The following XKR3 variants were observed in gnomAD, a reference collection of about 807,000 sequenced individuals.
The protein encoded by XKR3 is XK related 3.
In XKR3, 27 loss-of-function variants were observed where a neutral mutation model predicts 40.3. The observed-to-expected ratio is 0.67, with a 90% CI of 0.49 to 0.92. The LOEUF is 0.92. XKR3 is among the 40% of genes least tolerant of loss of function. The probability of loss-of-function intolerance (pLI) is 0.00; values close to 1 mark genes in which losing one functional copy is unlikely to be tolerated. For missense variants in XKR3, 472 were observed against 537.6 expected (o/e 0.88, Z 1.21); for synonymous variants, 193 against 195.4 (o/e 0.99, Z 0.10).
At chr22:16,818,997 C>G (rs529409657) in intron 1 of XKR3, among the ~76,000 whole-genome samples, 1 of 152,142 alleles carries the variant, frequency 6.6e-6, no homozygotes, top group East Asian at 1.9e-4. Context: ...TTTCCCTATG[C>G]TACAGGTCAG....
intron 1 of XKR3, among the ~76,000 whole-genome samples, chr22:16,823,522 G>A (rs1387563662): frequency 6.6e-6 from 1 of 152,128 alleles, no homozygotes; most frequent in Admixed American, 6.6e-5. Context: ...CAGAATTTTT[G>A]GGAAAAACAT....
chr22:16,820,500 T>A (rs148185317), intron 1 of XKR3, among the ~76,000 whole-genome samples: 10 of 152,138 alleles, frequency 6.6e-5, no homozygotes, highest in Non-Finnish European at 2.9e-5. Context: ...ATATTTAACA[T>A]GGACCTGGGT....
At position 16,783,807 on chromosome 22, in the gene XKR3, G is replaced by A; in HGVS notation, c.1192C>T (p.Gln398Ter). 1 of 1,614,180 alleles carries A rather than the reference G, an allele frequency of 6.2e-7. No individual in the cohort carries two copies. Among genetic ancestry groups the A allele is most frequent in the Non-Finnish European group, 8.5e-7 (1 of 1,180,040 alleles). Residue 398 changes from glutamine (Q) to a stop codon, truncating the protein, a stop_gained, in exon 4 of 4, where the codon CAG (glutamine) becomes TAG (stop). Transcript: ENST00000684488. LOFTEE classifies it high-confidence loss of function. The part of the protein sequence containing the change: ...LATGFMLLFY[Q>*]YLYPWQSGKV... ...CCTGACTGCCATGGGTACAAATACT[G>A]ATAGAAGAGGAGCATAAAGCCAGTG...
Position 16,799,954 on chromosome 22 carries a change from C to T in XKR3, c.406G>A (p.Val136Ile). 6.2e-7 allele frequency: 1 copy of T among 1,614,132 alleles called. No homozygotes were observed. Among genetic ancestry groups the T allele is most frequent in the Non-Finnish European group, 8.5e-7 (1 of 1,180,006 alleles). ...NLKQEKEETQ[V>I]SITKRNTMLE... ...ATCGTGTTTCTCTTTGTGATGCTAA[C>T]TTGAGTCTCTTCCTTCTCCTGTTTA... is the stretch of plus-strand genomic sequence containing the variant. The change falls in exon 3 of 4, where the codon GTT becomes ATT. Residue 136 changes from valine to isoleucine, a missense_variant. Coordinates refer to ENST00000684488, the MANE Select transcript of XKR3 (RefSeq NM_001386955.1).
At chr22:16,806,949 T>C (rs1046207376) in intron 2 of XKR3, among the ~76,000 whole-genome samples, 1 of 152,154 alleles carries the variant, frequency 6.6e-6, no homozygotes, top group African/African-American at 2.4e-5. Flanking sequence ...TCCATAAATA[T>C]GAAGAATTGT....
At chr22:16,788,865 T>C (rs1208287241) in intron 3 of XKR3, among the ~76,000 whole-genome samples, 1 of 151,988 alleles carries the variant, frequency 6.6e-6, no homozygotes, top group Non-Finnish European at 1.5e-5. Flanking sequence ...GTGTCATACA[T>C]TACATCAACA....
In XKR3 at chr22:16,807,885, G is replaced by A. The variant is rs2060196654; in HGVS notation, c.189C>T (p.Asp63=). ...YMFEIYRKAN[D]TFWMSFTISF... is the part of the protein sequence containing the mutation. ...TGATGGTAAATGACATCCAGAATGT[G>A]TCATTAGCTTTTCGATAAATTTCAA... is the stretch of plus-strand genomic sequence containing the variant. The change falls in exon 2 of 4, where the codon GAC becomes GAT. Residue 63 remains aspartate (D), a synonymous_variant. Coordinates refer to ENST00000684488, the MANE Select transcript of XKR3 (RefSeq NM_001386955.1). 17 of 1,614,006 alleles carry A rather than the reference G, an allele frequency of 1.1e-5. No individual in the cohort carries two copies. The highest frequency in any genetic ancestry group is 1.3e-5 in the Non-Finnish European group (15 of 1,179,930).
rs1363920936 is a variant in XKR3 at position 16,783,792 on chromosome 22, A to G, written c.1207T>C (p.Trp403Arg). ...MLLFYQYLYP[W>R]QSGKVLPGRT... is the part of the protein sequence containing the mutation. ...CCTGGCAACACTTTGCCTGACTGCCATGGGTACAAATACTGATAGAAGAGG... is the reference window on the plus strand; with the variant it reads ...CCTGGCAACACTTTGCCTGACTGCCGTGGGTACAAATACTGATAGAAGAGG... Residue 403 changes from tryptophan to arginine, a missense_variant, in exon 4 of 4, where the codon TGG becomes CGG. By Grantham distance (101) the Trp-to-Arg change is moderately radical (BLOSUM62 -3). Transcript: ENST00000684488. The G allele has an allele frequency of 5.6e-6, 9 of 1,614,108 alleles. No homozygotes were observed. Among genetic ancestry groups the G allele is most frequent in the Admixed American group, 3.3e-5 (2 of 60,030 alleles).
In XKR3 at chr22:16,784,367, G is replaced by GC; in HGVS notation, c.631dup (p.Ala211GlyfsTer14). On this transcript the variant is annotated frameshift_variant, in exon 4 of 4. Coordinates refer to ENST00000684488, the MANE Select transcript of XKR3 (RefSeq NM_001386955.1). LOFTEE classifies it high-confidence loss of function. The stretch of plus-strand genomic sequence containing the variant: ...GATGGCCAGTATATTGCAGCGAATG[G>GC]CCCCATAAGTAACTGATAACAGGGA... The GC allele has an allele frequency of 6.2e-7, 1 of 1,609,082 alleles. No homozygotes were observed. Among genetic ancestry groups the GC allele is most frequent in the South Asian group, 1.1e-5 (1 of 89,772 alleles).
At chr22:16,806,468 G>GAT (rs2060189976) in intron 2 of XKR3, among the ~76,000 whole-genome samples, 1 of 97,370 alleles carries the variant, frequency 1.0e-5, no homozygotes, top group Non-Finnish European at 2.0e-5. Flanking sequence ...ATATAGTTAA[G>GAT]GTTTTTTTTT....
intron 1 of XKR3, among the ~76,000 whole-genome samples, chr22:16,812,634 C>A (rs2060217352): frequency 1.3e-5 from 2 of 152,106 alleles, no homozygotes; most frequent in South Asian, 2.1e-4. Context: ...GAGATTGCAC[C>A]ACTGCACTCC....
intron 3 of XKR3, among the ~76,000 whole-genome samples, chr22:16,798,980 C>T (rs1457116005): frequency 6.6e-6 from 1 of 152,056 alleles, no homozygotes; most frequent in Admixed American, 6.6e-5. Context: ...CAAGCCTGTA[C>T]GTATACTGTA....
At chr22:16,822,198 A>T (rs988722077) in intron 1 of XKR3, among the ~76,000 whole-genome samples, 17 of 152,166 alleles carry the variant, frequency 1.1e-4, no homozygotes, top group Non-Finnish European at 2.2e-4. Context: ...TTAAAAATGC[A>T]TGTAGCACAG....
At chr22:16,803,600 T>G (rs1215924431) in intron 2 of XKR3, among the ~76,000 whole-genome samples, 1 of 152,328 alleles carries the variant, frequency 6.6e-6, no homozygotes, top group East Asian at 1.9e-4. Context: ...CAGGTCATAA[T>G]GAACTTCCTA....
chr22:16,805,725 G>T (rs2060186819), intron 2 of XKR3, among the ~76,000 whole-genome samples: 1 of 151,974 alleles, frequency 6.6e-6, no homozygotes, highest in Non-Finnish European at 1.5e-5. Context: ...CATCAAACTG[G>T]TAATAAGAAT....
intron 3 of XKR3, among the ~76,000 whole-genome samples, chr22:16,792,439 T>C (rs1477191069): frequency 1.3e-5 from 2 of 152,228 alleles, no homozygotes; most frequent in Non-Finnish European, 2.9e-5. Context: ...TAGTAGAACT[T>C]ATTTGTAAAA....
chr22:16,789,578 G>A, intron 3 of XKR3, among the ~76,000 whole-genome samples: 1 of 152,178 alleles, frequency 6.6e-6, no homozygotes, highest in East Asian at 1.9e-4. Flanking sequence ...AAAGTAATGT[G>A]GTTAAAATGT....
At chr22:16,791,028 T>C (rs1451990807) in intron 3 of XKR3, among the ~76,000 whole-genome samples, 4 of 152,160 alleles carry the variant, frequency 2.6e-5, no homozygotes, top group African/African-American at 9.6e-5. Flanking sequence ...TAATGCATTA[T>C]CCAGAAATTC....
At chr22:16,801,696 A>G (rs2060169732) in intron 2 of XKR3, among the ~76,000 whole-genome samples, 1 of 152,098 alleles carries the variant, frequency 6.6e-6, no homozygotes, top group African/African-American at 2.4e-5. Context: ...CAAAAAAAAA[A>G]AAAGCAAACA....
Sources: allele counts gnomAD v4.1 joint callset (sites outside exome capture counted in the v4.1 genomes callset), GRCh38; gene constraint gnomAD v4.1.1; transcripts MANE v1.5; gene names NCBI Gene and HGNC (gene_info 2026-07-23, HGNC 2026-07-21).